SLC10A7: variants seen among roughly 807,000 people sequenced by gnomAD.
The protein encoded by SLC10A7 is sodium/bile acid cotransporter 7.
Under a neutral mutation model 43.2 loss-of-function variants are expected in SLC10A7, and 29 were observed. The ratio of observed to expected loss-of-function variants is 0.67; its 90% confidence interval spans 0.50 to 0.92. SLC10A7 has a LOEUF of 0.92. Among genes scored for constraint, SLC10A7 ranks in the 40% least tolerant of loss-of-function variants. The pLI is 0.00. For missense variants in SLC10A7, 295 were observed against 403.2 expected (o/e 0.73, Z 2.30); for synonymous variants, 152 against 144.8 (o/e 1.05, Z -0.35).
chr4:146,437,206 A>C (rs1730282017), intron 5 of SLC10A7, among the ~76,000 whole-genome samples: 1 of 152,088 alleles, frequency 6.6e-6, no homozygotes, highest in Non-Finnish European at 1.5e-5. Flanking sequence ...TGGTATTTTT[A>C]AAACAGAAGT....
At chr4:146,276,419 T>C (rs1387620194) in intron 10 of SLC10A7, among the ~76,000 whole-genome samples, 1 of 152,200 alleles carries the variant, frequency 6.6e-6, no homozygotes, top group South Asian at 2.1e-4. Flanking sequence ...AGAAGTATTT[T>C]AAAGTAAACT....
intron 5 of SLC10A7, among the ~76,000 whole-genome samples, chr4:146,412,841 A>G (rs564921156): frequency 6.6e-6 from 1 of 152,204 alleles, no homozygotes; most frequent in African/African-American, 2.4e-5. Context: ...GCACTTAATT[A>G]TAATGTAATT....
intron 5 of SLC10A7, among the ~76,000 whole-genome samples, chr4:146,434,477 GT>G (rs1358325206): frequency 6.6e-6 from 1 of 152,180 alleles, no homozygotes; most frequent in Non-Finnish European, 1.5e-5. Flanking sequence ...TAAAAATCCA[GT>G]TTTCTTTGGA....
intron 4 of SLC10A7, among the ~76,000 whole-genome samples, chr4:146,453,539 A>G (rs954981167): frequency 1.3e-5 from 2 of 151,964 alleles, no homozygotes; most frequent in South Asian, 4.1e-4. Flanking sequence ...GATGACAGTT[A>G]ATAAAGGAAA....
At chr4:146,387,072 A>T (rs1265053425) in intron 5 of SLC10A7, among the ~76,000 whole-genome samples, 1 of 152,250 alleles carries the variant, frequency 6.6e-6, no homozygotes, top group Non-Finnish European at 1.5e-5. Context: ...GCAAATTAAA[A>T]TCCTAATCCT....
At chr4:146,518,435 G>A (rs1161264972) in intron 1 of SLC10A7, among the ~76,000 whole-genome samples, 1 of 152,062 alleles carries the variant, frequency 6.6e-6, no homozygotes, top group South Asian at 2.1e-4. Context: ...AAATTATCAT[G>A]TTCAAAATGT....
intron 10 of SLC10A7, among the ~76,000 whole-genome samples, chr4:146,263,828 T>C (rs1033593650): frequency 6.6e-6 from 1 of 152,256 alleles, no homozygotes; most frequent in Non-Finnish European, 1.5e-5. Context: ...AGAAGGCACA[T>C]ATTGTAAATG....
At chr4:146,335,355 T>A (rs1353705506) in intron 5 of SLC10A7, among the ~76,000 whole-genome samples, 1 of 150,982 alleles carries the variant, frequency 6.6e-6, no homozygotes, top group Non-Finnish European at 1.5e-5. Flanking sequence ...GTTGGTGTCA[T>A]TTCCCCTTGT....
intron 4 of SLC10A7, among the ~76,000 whole-genome samples, chr4:146,454,797 T>G (rs1465441208): frequency 1.3e-5 from 2 of 151,846 alleles, no homozygotes. Flanking sequence ...CTACTTAGTC[T>G]TCTTTGCTAT....
intron 1 of SLC10A7, 152 bp from the exon 2 acceptor site, chr4:146,517,272 G>A: frequency 2.0e-6 from 1 of 495,860 alleles, no homozygotes; most frequent in South Asian, 2.8e-5. Flanking sequence ...AGACCAGCCT[G>A]ACCAACATGG....
At chr4:146,307,148 C>T (rs928995805) in intron 6 of SLC10A7, among the ~76,000 whole-genome samples, 3 of 152,096 alleles carry the variant, frequency 2.0e-5, no homozygotes, top group Non-Finnish European at 2.9e-5. Flanking sequence ...CTCTCCACTC[C>T]GACACATTGT....
chr4:146,468,383 A>C (rs1733241496), intron 4 of SLC10A7, among the ~76,000 whole-genome samples: 1 of 152,150 alleles, frequency 6.6e-6, no homozygotes, highest in Non-Finnish European at 1.5e-5. Flanking sequence ...AGACAAATAA[A>C]CATTTTAATG....
intron 4 of SLC10A7, among the ~76,000 whole-genome samples, chr4:146,490,371 T>C (rs563057989): frequency 1.3e-5 from 2 of 148,722 alleles, no homozygotes; most frequent in African/African-American, 5.0e-5. Context: ...GGCATATCAG[T>C]CTAATGGGTT....
rs1738701124 is a variant in SLC10A7, at chr4:146,521,714, T to C, written c.4A>G (p.Arg2Gly). The change falls in exon 1 of 12, where the codon AGG becomes GGG. Residue 2 changes from arginine to glycine, a missense_variant. Coordinates refer to ENST00000335472, the MANE Select transcript of SLC10A7 (RefSeq NM_001029998.6). M[R>G]LLERMRKDWF... is the part of the protein sequence containing the mutation. ...TCTTTCCTCATTCTCTCCAGCAGCC[T>C]CATATTTGTTAGGGTGGGTGGGTTT... is the stretch of plus-strand genomic sequence containing the variant. The C allele has an allele frequency of 6.2e-7, 1 of 1,613,638 alleles. No individual in the cohort carries two copies. The highest frequency in any genetic ancestry group is 1.3e-5 in the African/African-American group (1 of 74,908).
In SLC10A7 at chr4:146,376,444, C is replaced by A. The variant is rs185193092; in HGVS notation, c.436-50448G>T. Among the ~76,000 whole-genome samples the A allele has an allele frequency of 3.4e-3, 510 of 151,002 alleles. 1 individual carries two copies. The highest frequency in any genetic ancestry group is 5.7e-3 in the Non-Finnish European group (385 of 67,994). ...TCCAAAACCACCCTGGCCCACCACA[C>A]CCCCCATCCTATACCCATTAAAAAC... On this transcript the variant is annotated intron_variant, in intron 5 of 11. Transcript: ENST00000335472.
intron 4 of SLC10A7, among the ~76,000 whole-genome samples, chr4:146,470,120 T>C (rs1351537313): frequency 6.6e-6 from 1 of 152,182 alleles, no homozygotes; most frequent in Non-Finnish European, 1.5e-5. Context: ...GAGCTTGCAC[T>C]ATTATTTGGT....
chr4:146,334,058 A>G (rs1047753694), intron 5 of SLC10A7, among the ~76,000 whole-genome samples: 3 of 152,110 alleles, frequency 2.0e-5, no homozygotes, highest in African/African-American at 7.2e-5. Context: ...ACAGTTTCTT[A>G]GTTTTCTGAG....
chr4:146,402,610 A>G (rs1739298057), intron 5 of SLC10A7, among the ~76,000 whole-genome samples: 1 of 152,222 alleles, frequency 6.6e-6, no homozygotes, highest in Non-Finnish European at 1.5e-5. Flanking sequence ...TAAAAAACAG[A>G]AGAGGAAAGG....
At chr4:146,284,657 C>A (rs1216546565) in intron 9 of SLC10A7, among the ~76,000 whole-genome samples, 1 of 152,160 alleles carries the variant, frequency 6.6e-6, no homozygotes, top group African/African-American at 2.4e-5. Context: ...CCCATGGATG[C>A]ATATCATATA....
Sources: allele counts gnomAD v4.1 joint callset (sites outside exome capture counted in the v4.1 genomes callset), GRCh38; gene constraint gnomAD v4.1.1; transcripts MANE v1.5; gene names NCBI Gene and HGNC (gene_info 2026-07-23, HGNC 2026-07-21).